SPEN: variants seen among roughly 807,000 people sequenced by gnomAD.
SPEN encodes the protein msx2-interacting protein.
A neutral mutation model predicts 269.9 loss-of-function variants in SPEN; 18 were observed. That is an observed-to-expected ratio of 0.07 (90% CI 0.05 to 0.10). The LOEUF is 0.10. SPEN is among the 10% of genes least tolerant of loss of function. SPEN has a pLI of 1.00. For missense variants in SPEN, 3,822 were observed against 4,631.2 expected (o/e 0.83, Z 5.07); for synonymous variants, 1,726 against 1,765.7 (o/e 0.98, Z 0.56).
intron 11 of SPEN, 60 bp downstream of exon 11, chr1:15,936,326 G>A: frequency 3.4e-6 from 5 of 1,486,032 alleles, no homozygotes; most frequent in Non-Finnish European, 4.5e-6. Context: ...GGCTCAGCAG[G>A]CTTTTAAGCC....
intron 3 of SPEN, among the ~76,000 whole-genome samples, chr1:15,896,509 T>TA (rs1209624729): frequency 6.6e-6 from 1 of 152,120 alleles, no homozygotes; most frequent in Admixed American, 6.6e-5. Flanking sequence ...ACCATCACTT[T>TA]AGTGACCATC....
Position 15,937,919 on chromosome 1 carries a change from C to T in SPEN, c.10617C>T (p.Pro3539=). The change falls in exon 13 of 15, where the codon CCC becomes CCT. Residue 3539 remains proline (P), a synonymous_variant. Coordinates refer to ENST00000375759, the MANE Select transcript of SPEN (RefSeq NM_015001.3). This position sits in a 1 kb window ranked among gnomAD's most constrained non-coding sequence, Gnocchi z 5.7. ...ACGTCCTGGCCCATCGGTCCCTGCC[C>T]CTTTCTGAAGGAGGGCCCCCACTAA... The part of the protein sequence containing the change: ...GNNVLAHRSL[P]LSEGGPPLRI... The T allele has an allele frequency of 6.2e-7, 1 of 1,614,218 alleles. No individual in the cohort carries two copies. The highest frequency in any genetic ancestry group is 8.5e-7 in the Non-Finnish European group (1 of 1,180,026).
At chr1:15,850,215 G>T (rs919173101) in intron 1 of SPEN, among the ~76,000 whole-genome samples, 2 of 152,140 alleles carry the variant, frequency 1.3e-5, no homozygotes, top group Non-Finnish European at 2.9e-5. Flanking sequence ...GATTCGAGCT[G>T]CCTTGGAAAG....
Position 15,873,073 on chromosome 1 carries a change from C to T in SPEN, c.341C>T (p.Pro114Leu), listed in dbSNP as rs1421588748. 3.7e-6 allele frequency: 6 copies of T among 1,613,978 alleles called. No individual in the cohort carries two copies. The highest frequency in any genetic ancestry group is 5.1e-6 in the Non-Finnish European group (6 of 1,180,010). ...GGGTTCAGAGGAGGTGGTGGAGGGC[C>T]TGCTTATGGTCCCCCACCGTCACTT... is the stretch of plus-strand genomic sequence containing the variant. ...VSGFRGGGGGPAYGPPPSLHA... is the reference protein window; with the variant it reads ...VSGFRGGGGGLAYGPPPSLHA... The change falls in exon 2 of 15, where the codon CCT becomes CTT. Residue 114 changes from proline (P) to leucine (L), a missense_variant. By Grantham distance (98) the Pro-to-Leu change is moderately conservative. Around this residue, in one of 16 missense-constraint regions of SPEN, gnomAD observed 327 missense variants for 350.8 expected, o/e 0.93. Coordinates refer to ENST00000375759, the MANE Select transcript of SPEN (RefSeq NM_015001.3).
chr1:15,936,505 C>T (rs948555420), intron 11 of SPEN, among the ~76,000 whole-genome samples: 6 of 151,970 alleles, frequency 3.9e-5, no homozygotes, highest in Middle Eastern at 3.4e-3. Flanking sequence ...AAAAATTAGC[C>T]AGGTGTGGTG....
intron 3 of SPEN, among the ~76,000 whole-genome samples, chr1:15,904,842 C>T (rs1404767912): frequency 1.3e-5 from 2 of 151,126 alleles, no homozygotes; most frequent in Non-Finnish European, 2.9e-5. Context: ...TATTTTTATA[C>T]TTTATTTTAA....
rs1296899255 is a variant in SPEN, at chr1:15,932,348, G to A, written c.6108G>A (p.Glu2036=). The part of the protein sequence containing the change: ...SSMEPKAAEE[E]AGSEQKRDRK... ...TGGAACCCAAGGCTGCTGAGGAGGA[G>A]GCAGGGAGTGAACAGAAACGTGACA... The change falls in exon 11 of 15, where the codon GAG becomes GAA. Residue 2036 remains glutamate, a synonymous_variant. Transcript: ENST00000375759. The surrounding 1 kb of genome is among the most constrained non-coding windows in gnomAD (Gnocchi z 4.2). 6.2e-7 allele frequency: 1 copy of A among 1,613,956 alleles called. No individual in the cohort carries two copies. Among genetic ancestry groups the A allele is most frequent in the Non-Finnish European group, 8.5e-7 (1 of 1,180,036 alleles).
At chr1:15,871,926 T>C (rs1203277870) in intron 1 of SPEN, among the ~76,000 whole-genome samples, 1 of 152,110 alleles carries the variant, frequency 6.6e-6, no homozygotes, top group Non-Finnish European at 1.5e-5. Flanking sequence ...TAAATATTTG[T>C]AAAAACTTCT....
chr1:15,858,683 C>A (rs2070410827), intron 1 of SPEN, among the ~76,000 whole-genome samples: 1 of 152,142 alleles, frequency 6.6e-6, no homozygotes, highest in Non-Finnish European at 1.5e-5. Flanking sequence ...TGCCTGTATT[C>A]CAGCACTTTG....
rs1177983498 is a variant in SPEN at position 15,928,291 on chromosome 1, G to T, written c.2051G>T (p.Arg684Met). Reference sequence around the variant, plus strand: ...GATCCTCGGGAATACAGGGATTACAGGAATGATCCTTATGAACAAGATATT... The same window carrying T: ...GATCCTCGGGAATACAGGGATTACATGAATGATCCTTATGAACAAGATATT... ...YDDPREYRDY[R>M]NDPYEQDIRE... Residue 684 changes from arginine to methionine, a missense_variant, in exon 11 of 15, where the codon AGG becomes ATG. Transcript: ENST00000375759. This position sits in a 1 kb window ranked among gnomAD's most constrained non-coding sequence, Gnocchi z 5.7. 4 of 1,614,162 alleles carry T rather than the reference G, an allele frequency of 2.5e-6. No individual in the cohort carries two copies. The highest frequency in any genetic ancestry group is 2.5e-6 in the Non-Finnish European group (3 of 1,180,016).
rs72884192 is a variant in SPEN at position 15,905,956 on chromosome 1, G to A, written c.882-3365G>A. Reference sequence around the variant, plus strand: ...TAACCACTGTTGCTAAGGAAATTTGGTGTATATAATATTGGTAGTATTGTA... The same window carrying A: ...TAACCACTGTTGCTAAGGAAATTTGATGTATATAATATTGGTAGTATTGTA... On this transcript the variant is annotated intron_variant, in intron 3 of 14. Transcript: ENST00000375759. Among the ~76,000 whole-genome samples the A allele has an allele frequency of 7.2e-3, 1,094 of 152,230 alleles. 24 individuals are homozygous for A. The highest frequency in any genetic ancestry group is 0.025 in the African/African-American group (1,037 of 41,518).
chr1:15,852,602 G>T (rs1282932887), intron 1 of SPEN, among the ~76,000 whole-genome samples: 1 of 152,118 alleles, frequency 6.6e-6, no homozygotes, highest in Non-Finnish European at 1.5e-5. Context: ...TGTGTGGAGG[G>T]CACCTTTTTC....
At chr1:15,881,704 A>C (rs1245757276) in intron 3 of SPEN, among the ~76,000 whole-genome samples, 1 of 152,254 alleles carries the variant, frequency 6.6e-6, no homozygotes, top group Admixed American at 6.5e-5. Flanking sequence ...TCTGGTGTTC[A>C]GTTTACATTA....
chr1:15,938,251 G>A (rs1392834350), intron 13 of SPEN, among the ~76,000 whole-genome samples: 2 of 152,096 alleles, frequency 1.3e-5, no homozygotes, highest in Non-Finnish European at 2.9e-5. Context: ...TTATAGGCAC[G>A]CACCACCATG....
chr1:15,893,035 T>C (rs532051784), intron 3 of SPEN, among the ~76,000 whole-genome samples: 50 of 152,084 alleles, frequency 3.3e-4, no homozygotes, highest in Middle Eastern at 3.4e-3. Flanking sequence ...GAGGTGGAGG[T>C]TGCAGTGAGC....
chr1:15,858,122 G>A (rs962954940), intron 1 of SPEN, among the ~76,000 whole-genome samples: 1 of 151,758 alleles, frequency 6.6e-6, no homozygotes, highest in Admixed American at 6.6e-5. Flanking sequence ...GCAAGACTCC[G>A]TCTCAAAAAG....
Position 15,937,064 on chromosome 1 carries a change from T to C in SPEN, c.10027-99T>C. 1 of 1,497,628 alleles carries C rather than the reference T, an allele frequency of 6.7e-7. No individual in the cohort carries two copies. Among genetic ancestry groups the C allele is most frequent in the Non-Finnish European group, 9.0e-7 (1 of 1,111,014 alleles). The allele number at this position is 1,497,628 out of a possible 1,614,324, so 92.8% of individuals were successfully genotyped here. On this transcript the variant is annotated intron_variant, in intron 11 of 14. Coordinates refer to ENST00000375759, the MANE Select transcript of SPEN (RefSeq NM_015001.3). This position sits in a 1 kb window ranked among gnomAD's most constrained non-coding sequence, Gnocchi z 5.7. ...GCCTGACTTAACGGGAGATGCCACA[T>C]CTTATCCTTTCCCTGTGGCCCTTTG...
At chr1:15,918,109 C>T (rs1052127066) in intron 6 of SPEN, among the ~76,000 whole-genome samples, 7 of 152,204 alleles carry the variant, frequency 4.6e-5, no homozygotes, top group Non-Finnish European at 8.8e-5. Context: ...CCTATCTGGG[C>T]TCCAGCTTCT....
chr1:15,868,958 T>C (rs184294092), intron 1 of SPEN, among the ~76,000 whole-genome samples: 65 of 152,330 alleles, frequency 4.3e-4, no homozygotes, highest in African/African-American at 1.4e-3. Context: ...ACATTTAGTG[T>C]GTTGAAATAT....
Sources: allele counts gnomAD v4.1 joint callset (sites outside exome capture counted in the v4.1 genomes callset), GRCh38; gene constraint gnomAD v4.1.1; regional missense constraint gnomAD v4.1.1; non-coding constraint Gnocchi (gnomAD v3.1); transcripts MANE v1.5; gene names NCBI Gene and HGNC (gene_info 2026-07-23, HGNC 2026-07-21).